Variants in NF2 observed in about 807,000 individuals in gnomAD.
NF2 encodes the protein NF2, moesin-ezrin-radixin like (MERLIN) tumor suppressor, also known as merlin.
NF2 carries 8 observed loss-of-function variants against 83.7 expected under a neutral mutation model. The observed-to-expected ratio is 0.10, with a 90% CI of 0.06 to 0.17. NF2 has a LOEUF of 0.17. Among genes scored for constraint, NF2 ranks in the 10% least tolerant of loss-of-function variants. The probability of loss-of-function intolerance (pLI) is 1.00; values close to 1 mark genes in which losing one functional copy is unlikely to be tolerated. For synonymous variants in NF2, 266 were observed against 269.6 expected (o/e 0.99, Z 0.13); for missense variants, 533 against 744.4 (o/e 0.72, Z 3.31).
Position 29,698,104 on chromosome 22 carries a change from C to T in NF2, c.*3302C>T, listed in dbSNP as rs1364687644. 1.3e-5 allele frequency: 3 copies of T among 231,120 alleles called. No homozygotes were observed. Among genetic ancestry groups the T allele is most frequent in the Admixed American group, 5.7e-5 (1 of 17,694 alleles). The allele number at this position is 231,120 out of a possible 1,614,324, so 14.3% of individuals were successfully genotyped here. On this transcript the variant is annotated 3_prime_UTR_variant, in exon 16 of 16. Coordinates refer to ENST00000338641, the MANE Select transcript of NF2 (RefSeq NM_000268.4). ...TGCAGCTGTGTGGCACAGATGGCTTCGTTCATCCTGATCAAGGCCCCACCT... is the reference window on the plus strand; with the variant it reads ...TGCAGCTGTGTGGCACAGATGGCTTTGTTCATCCTGATCAAGGCCCCACCT...
intron 1 of NF2, among the ~76,000 whole-genome samples, chr22:29,618,977 A>G (rs1462331707): frequency 6.6e-6 from 1 of 152,188 alleles, no homozygotes; most frequent in Non-Finnish European, 1.5e-5. Context: ...GTGTAGTTGT[A>G]CAGGGTAATA....
At position 29,603,707 on chromosome 22, in the gene NF2, C is replaced by T; in HGVS notation, c.-292C>T. 1 of 450,216 alleles carries T rather than the reference C, an allele frequency of 2.2e-6. No individual in the cohort carries two copies. Among genetic ancestry groups the T allele is most frequent in the Non-Finnish European group, 3.9e-6 (1 of 256,068 alleles). 27.9% of individuals were successfully genotyped at this position (450,216 alleles called of 1,614,324 possible). Reference sequence around the variant, plus strand: ...TCTAGGGGTCCCGTCCCGAGGCGTCCCCGGCATCTCCGGCCCGAATCCCGG... The same window carrying T: ...TCTAGGGGTCCCGTCCCGAGGCGTCTCCGGCATCTCCGGCCCGAATCCCGG... On this transcript the variant is annotated 5_prime_UTR_variant, in exon 1 of 16. Transcript: ENST00000338641.
chr22:29,657,275 G>T (rs2066340495), intron 6 of NF2, among the ~76,000 whole-genome samples: 1 of 151,972 alleles, frequency 6.6e-6, no homozygotes, highest in African/African-American at 2.4e-5. Flanking sequence ...GTCAGATTGG[G>T]GTTTGTGGCA....
intron 1 of NF2, among the ~76,000 whole-genome samples, chr22:29,611,001 C>CA (rs2064938514): frequency 1.3e-5 from 2 of 152,172 alleles, no homozygotes; most frequent in South Asian, 4.1e-4. Context: ...TCCAGGAGTG[C>CA]AAGGTTGGTT....
At chr22:29,615,971 A>G (rs2065071456) in intron 1 of NF2, among the ~76,000 whole-genome samples, 1 of 152,260 alleles carries the variant, frequency 6.6e-6, no homozygotes, top group Non-Finnish European at 1.5e-5. Flanking sequence ...GTCTATCCTT[A>G]CTATGGAATT....
chr22:29,630,277 C>G (rs1020027644), intron 1 of NF2, among the ~76,000 whole-genome samples: 3 of 152,152 alleles, frequency 2.0e-5, no homozygotes, highest in African/African-American at 7.2e-5. Context: ...CAGCTACGTT[C>G]CTGCTGTGGA....
chr22:29,633,677 ATGCCACCTCC>A (rs2065574810), intron 1 of NF2, among the ~76,000 whole-genome samples: 1 of 152,174 alleles, frequency 6.6e-6, no homozygotes, highest in Non-Finnish European at 1.5e-5. Flanking sequence ...CATTCCCGCC[ATGCCACCTCC>A]TGTCTGTTTA....
intron 1 of NF2, among the ~76,000 whole-genome samples, chr22:29,615,589 G>C (rs1437062324): frequency 6.6e-6 from 1 of 152,152 alleles, no homozygotes. Flanking sequence ...AAGACAATTA[G>C]CTGGGTGTGG....
At chr22:29,643,198 C>A (rs2065861004) in intron 4 of NF2, among the ~76,000 whole-genome samples, 1 of 151,950 alleles carries the variant, frequency 6.6e-6, no homozygotes, top group East Asian at 1.9e-4. Flanking sequence ...CCAGGCTGGT[C>A]TTGAACTCCT....
chr22:29,682,883 G>A (rs918134351), intron 15 of NF2: 46 of 1,023,108 alleles, frequency 4.5e-5, no homozygotes, highest in Middle Eastern at 2.0e-4. Context: ...GAGAGACCCC[G>A]TTCCAAGCCA....
In NF2 at chr22:29,698,207, C is replaced by T. The variant is rs533566312; in HGVS notation, c.*3405C>T. ...TGCCAGGCCCTGCTAGATAGCACCCCGTGGCATTACATAACACTTCATGAG... is the reference window on the plus strand; with the variant it reads ...TGCCAGGCCCTGCTAGATAGCACCCTGTGGCATTACATAACACTTCATGAG... On this transcript the variant is annotated 3_prime_UTR_variant, in exon 16 of 16. Coordinates refer to ENST00000338641, the MANE Select transcript of NF2 (RefSeq NM_000268.4). 6.9e-5 allele frequency: 16 copies of T among 231,872 alleles called. No homozygotes were observed. Among genetic ancestry groups the T allele is most frequent in the Non-Finnish European group, 9.4e-5 (11 of 117,130 alleles). The allele number at this position is 231,872 out of a possible 1,614,324, so 14.4% of individuals were successfully genotyped here.
intron 1 of NF2, among the ~76,000 whole-genome samples, chr22:29,604,993 C>T (rs138317768): frequency 1.3e-5 from 2 of 151,968 alleles, no homozygotes; most frequent in South Asian, 2.1e-4. Flanking sequence ...TGTTTTGTTT[C>T]GTTTTGAGAC....
intron 1 of NF2, among the ~76,000 whole-genome samples, chr22:29,605,931 T>C (rs947302604): frequency 1.3e-5 from 2 of 152,206 alleles, no homozygotes; most frequent in Non-Finnish European, 2.9e-5. Context: ...AAAACCTGTG[T>C]GAGTGCAATT....
chr22:29,611,026 G>A (rs1234713595), intron 1 of NF2, among the ~76,000 whole-genome samples: 1 of 152,124 alleles, frequency 6.6e-6, no homozygotes, highest in East Asian at 1.9e-4. Context: ...ATCCAAAAAT[G>A]AATTAGTGTA....
rs894261362 is a variant in NF2, at chr22:29,655,480, C to G, written c.517-114C>G. On this transcript the variant is annotated intron_variant, in intron 5 of 15. Transcript: ENST00000338641. ...TGTGTGACTATCTCCCTGGGTGTAG[C>G]TTTTTAAAAATAGCTTTACTGTTTT... The G allele has an allele frequency of 3.0e-5, 24 of 813,270 alleles. No homozygotes were observed. In the Middle Eastern group the frequency reaches 1.0e-3, roughly 34 times the overall value. 50.4% of individuals were successfully genotyped at this position (813,270 alleles called of 1,614,324 possible).
At chr22:29,685,089 A>C (rs772479135) in intron 15 of NF2, among the ~76,000 whole-genome samples, 1 of 151,568 alleles carries the variant, frequency 6.6e-6, no homozygotes, top group Non-Finnish European at 1.5e-5. Flanking sequence ...AAGCTTGCTA[A>C]TCTGGGATCA....
chr22:29,667,121 A>C (rs2066645940), intron 9 of NF2, among the ~76,000 whole-genome samples: 1 of 152,198 alleles, frequency 6.6e-6, no homozygotes, highest in Non-Finnish European at 1.5e-5. Flanking sequence ...ATTTTTACAG[A>C]CCCAACAGTA....
At chr22:29,663,923 C>T (rs886442203) in intron 8 of NF2, among the ~76,000 whole-genome samples, 1 of 152,180 alleles carries the variant, frequency 6.6e-6, no homozygotes, top group Non-Finnish European at 1.5e-5. Flanking sequence ...CCTAGGTTCT[C>T]CTACCAAGCC....
intron 1 of NF2, among the ~76,000 whole-genome samples, chr22:29,614,189 A>G (rs1462321177): frequency 1.3e-5 from 2 of 150,804 alleles, no homozygotes; most frequent in Non-Finnish European, 3.0e-5. Context: ...CACACCTGTA[A>G]TCCCAGCACT....
Sources: gnomAD v4.1 joint callset for allele counts (sites outside exome capture counted in the v4.1 genomes callset) on GRCh38, gnomAD v4.1.1 for gene constraint, MANE v1.5 for transcripts, NCBI Gene and HGNC (gene_info 2026-07-23, HGNC 2026-07-21) for gene names.